CFAP54: variants seen among roughly 807,000 people sequenced by gnomAD.
CFAP54 encodes cilia and flagella associated protein 54, also known as cilia- and flagella-associated protein 54.
Under a neutral mutation model 370.4 loss-of-function variants are expected in CFAP54, and 290 were observed. The ratio of observed to expected loss-of-function variants is 0.78; its 90% confidence interval spans 0.71 to 0.86. The LOEUF (loss-of-function observed/expected upper bound fraction) is 0.86. Among genes scored for constraint, CFAP54 ranks in the 40% least tolerant of loss-of-function variants. CFAP54 has a pLI of 0.00. For synonymous variants in CFAP54, 1,206 were observed against 1,236.5 expected, an observed-to-expected ratio of 0.98 and a Z score of 0.52; for missense variants, 3,399 against 3,528.7, an observed-to-expected ratio of 0.96 and a Z score of 0.93.
chr12:96,827,872 A>G (rs1361813461), intron 65 of CFAP54, among the ~76,000 whole-genome samples: 2 of 113,188 alleles, frequency 1.8e-5, no homozygotes, highest in African/African-American at 7.2e-5. Context: ...GTAATATATT[A>G]TATATAGTTA....
At chr12:96,827,525 G>A (rs1162476845) in intron 65 of CFAP54, among the ~76,000 whole-genome samples, 4 of 61,664 alleles carry the variant, frequency 6.5e-5, no homozygotes, top group Non-Finnish European at 8.5e-5. Flanking sequence ...ATTATATATA[G>A]TGTGCAGTTA....
At chr12:96,729,978 A>G (rs1462144424) in intron 50 of CFAP54, among the ~76,000 whole-genome samples, 2 of 152,176 alleles carry the variant, frequency 1.3e-5, no homozygotes, top group Non-Finnish European at 2.9e-5. Context: ...AGCAAATGTG[A>G]TGTTCTGATA....
Position 96,554,188 on chromosome 12 carries a change from C to T in CFAP54, c.2161C>T (p.Pro721Ser), listed in dbSNP as rs1038156353. 8 of 1,484,120 alleles carry T rather than the reference C, an allele frequency of 5.4e-6. No individual in the cohort carries two copies. In the African/African-American group the frequency reaches 1.1e-4, roughly 21 times the overall value. The allele number at this position is 1,484,120 out of a possible 1,614,324, so 91.9% of individuals were successfully genotyped here. The part of the protein sequence containing the change: ...TEILPILQKN[P>S]VEQLLFAYKL... ...GTTTATAAAATTATTTTAGAAAAATCCTGTGGAACAGTTACTTTTTGCTTA... is the reference window on the plus strand; with the variant it reads ...GTTTATAAAATTATTTTAGAAAAATTCTGTGGAACAGTTACTTTTTGCTTA... Residue 721 changes from proline to serine, a missense_variant, in exon 16 of 68, where the codon CCT becomes TCT. Pro to Ser is a moderately conservative substitution (Grantham distance 74). This residue lies in a region of CFAP54 where 2,796 missense variants were observed against 2,869.7 expected (regional missense o/e 0.97). Coordinates refer to ENST00000524981, the MANE Select transcript of CFAP54 (RefSeq NM_001306084.2).
At chr12:96,835,722 G>T (rs1420651) in intron 66 of CFAP54, among the ~76,000 whole-genome samples, 50,188 of 151,862 alleles carry the variant, frequency 0.33, 9,545 homozygotes, top group East Asian at 0.44. Flanking sequence ...TAGGGTGGAG[G>T]TTGGAGTGGG....
intron 47 of CFAP54, among the ~76,000 whole-genome samples, chr12:96,706,003 C>T (rs1476375038): frequency 1.3e-5 from 2 of 151,758 alleles, no homozygotes; most frequent in Admixed American, 1.3e-4. Context: ...GAATAGATAG[C>T]CCCAACATCT....
chr12:96,519,369 G>A (rs1955277877), intron 6 of CFAP54, among the ~76,000 whole-genome samples: 1 of 152,068 alleles, frequency 6.6e-6, no homozygotes, highest in Admixed American at 6.6e-5. Flanking sequence ...AAAATGCTAG[G>A]ATTACAGGCG....
At chr12:96,744,931 T>C (rs1384422242) in intron 55 of CFAP54, among the ~76,000 whole-genome samples, 1 of 152,190 alleles carries the variant, frequency 6.6e-6, no homozygotes, top group Non-Finnish European at 1.5e-5. Context: ...CTCCCACTTA[T>C]AAGTGAGAAC....
intron 62 of CFAP54, among the ~76,000 whole-genome samples, chr12:96,788,930 T>A (rs1421025610): frequency 6.6e-6 from 1 of 152,194 alleles, no homozygotes; most frequent in Non-Finnish European, 1.5e-5. Flanking sequence ...GCAACCCCAT[T>A]CTGTGCCCAG....
chr12:96,635,125 A>T (rs1013241226), intron 32 of CFAP54, among the ~76,000 whole-genome samples: 16 of 152,168 alleles, frequency 1.1e-4, no homozygotes, highest in African/African-American at 3.9e-4. Context: ...AATTTTAAAG[A>T]TCTATTTCTT....
Position 96,521,942 on chromosome 12 carries a change from G to A in CFAP54, c.1028G>A (p.Arg343Gln). ...TCCTCAAAATCCCAGGAAGAATCGC[G>A]AAGATATTTTCGAGAGGCCACAATG... ...MSSSKSQEES[R>Q]RYFREATMKM... The change falls in exon 7 of 68, where the codon CGA (arginine) becomes CAA (glutamine). Residue 343 changes from arginine (R) to glutamine (Q), a missense_variant. Coordinates refer to ENST00000524981, the MANE Select transcript of CFAP54 (RefSeq NM_001306084.2). 6.5e-7 allele frequency: 1 copy of A among 1,534,488 alleles called. No individual in the cohort carries two copies. Among genetic ancestry groups the A allele is most frequent in the Non-Finnish European group, 8.7e-7 (1 of 1,145,614 alleles).
At chr12:96,749,349 G>A (rs1289346534) in intron 55 of CFAP54, among the ~76,000 whole-genome samples, 2 of 152,192 alleles carry the variant, frequency 1.3e-5, no homozygotes, top group Non-Finnish European at 2.9e-5. Flanking sequence ...GAGCCCTCAC[G>A]ACCTAATCAC....
chr12:96,565,405 A>G (rs541604307), intron 19 of CFAP54, among the ~76,000 whole-genome samples: 1 of 152,054 alleles, frequency 6.6e-6, no homozygotes, highest in African/African-American at 2.4e-5. Flanking sequence ...TATTAAAAAA[A>G]ATTTTTTTTG....
chr12:96,771,456 T>C (rs1186343625), intron 60 of CFAP54, among the ~76,000 whole-genome samples: 2 of 152,110 alleles, frequency 1.3e-5, no homozygotes, highest in East Asian at 1.9e-4. Context: ...ATGGAGACCA[T>C]CCTGGCTAAC....
At chr12:96,563,782 A>T (rs1052669176) in intron 17 of CFAP54, among the ~76,000 whole-genome samples, 1 of 152,252 alleles carries the variant, frequency 6.6e-6, no homozygotes, top group African/African-American at 2.4e-5. Context: ...GGACCAAAAT[A>T]CTACCAGGTC....
chr12:96,837,112 G>A (rs1272120077), intron 66 of CFAP54, among the ~76,000 whole-genome samples: 1 of 152,170 alleles, frequency 6.6e-6, no homozygotes, highest in East Asian at 1.9e-4. Context: ...ATGAGCCACT[G>A]TGCCAGCCCA....
At chr12:96,608,334 C>T (rs1356192738) in intron 26 of CFAP54, among the ~76,000 whole-genome samples, 2 of 143,132 alleles carry the variant, frequency 1.4e-5, no homozygotes, top group South Asian at 2.3e-4. Context: ...CACACACACA[C>T]ATACGCACAC....
rs531640606 is a variant in CFAP54 at position 96,850,019 on chromosome 12, T to C, written c.9172-10800T>C. Among the ~76,000 whole-genome samples the C allele has an allele frequency of 5.3e-5, 8 of 152,208 alleles. 1 individual carries two copies. The highest frequency in any genetic ancestry group is 4.6e-4 in the Admixed American group (7 of 15,284). ...AACAAGCAAGCAAACATAAAAGATC[T>C]CTAATTCCCTTTGGCAGCCCTAGAG... On this transcript the variant is annotated intron_variant, in intron 66 of 67. Transcript: ENST00000524981.
intron 63 of CFAP54, among the ~76,000 whole-genome samples, chr12:96,792,934 A>G (rs989887968): frequency 6.6e-6 from 1 of 152,000 alleles, no homozygotes; most frequent in African/African-American, 2.4e-5. Flanking sequence ...GATAAACTCA[A>G]ATTGGTCATG....
intron 66 of CFAP54, among the ~76,000 whole-genome samples, chr12:96,860,566 T>G (rs532718355): frequency 6.6e-6 from 1 of 152,326 alleles, no homozygotes; most frequent in South Asian, 2.1e-4. Context: ...GTCTTACATT[T>G]AGAACCATGT....
Sources: gnomAD v4.1 joint callset for allele counts (sites outside exome capture counted in the v4.1 genomes callset) on GRCh38, gnomAD v4.1.1 for gene constraint, gnomAD v4.1.1 regional missense constraint, MANE v1.5 for transcripts, NCBI Gene and HGNC (gene_info 2026-07-23, HGNC 2026-07-21) for gene names.